The following NADK2 variants were observed in gnomAD, a reference collection of about 807,000 sequenced individuals.
The protein encoded by NADK2 is NAD kinase 2, mitochondrial, also known as NAD kinase domain-containing protein 1, mitochondrial.
NADK2 carries 35 observed loss-of-function variants against 62.1 expected under a neutral mutation model. The ratio of observed to expected loss-of-function variants is 0.56; its 90% CI spans 0.43 to 0.75. The LOEUF is 0.75. NADK2 is among the 30% of genes least tolerant of loss of function. NADK2 has a pLI of 0.00. For synonymous variants in NADK2, 205 were observed against 207.9 expected (o/e 0.99, Z 0.12); for missense variants, 439 against 561.3 (o/e 0.78, Z 2.20).
intron 11 of NADK2, among the ~76,000 whole-genome samples, chr5:36,196,509 A>G (rs755231030): frequency 3.9e-5 from 6 of 152,052 alleles, no homozygotes; most frequent in Non-Finnish European, 7.4e-5. Flanking sequence ...ACTTTTATAT[A>G]CTAAATATTC....
chr5:36,198,403 C>T (rs1251946105), intron 10 of NADK2, among the ~76,000 whole-genome samples: 1 of 151,702 alleles, frequency 6.6e-6, no homozygotes, highest in Non-Finnish European at 1.5e-5. Context: ...TGAGAACACA[C>T]CACAAAAAAG....
intron 8 of NADK2, 46 bp from the exon 9 acceptor site, chr5:36,201,207 T>A: frequency 6.6e-7 from 1 of 1,521,316 alleles, no homozygotes; most frequent in Non-Finnish European, 9.1e-7. Flanking sequence ...TCTAAAAACA[T>A]GCTAAAAATC....
At chr5:36,229,715 T>A (rs1747634354) in intron 1 of NADK2, among the ~76,000 whole-genome samples, 1 of 151,506 alleles carries the variant, frequency 6.6e-6, no homozygotes, top group Non-Finnish European at 1.5e-5. Context: ...AATACATTTA[T>A]TCAACTGCTT....
intron 1 of NADK2, among the ~76,000 whole-genome samples, chr5:36,237,375 T>C (rs1490919231): frequency 6.6e-6 from 1 of 152,188 alleles, no homozygotes; most frequent in Non-Finnish European, 1.5e-5. Context: ...AATAGTATAT[T>C]ATCATTGAAT....
At chr5:36,234,476 T>C (rs1443211133) in intron 1 of NADK2, among the ~76,000 whole-genome samples, 1 of 151,346 alleles carries the variant, frequency 6.6e-6, no homozygotes, top group Admixed American at 6.6e-5. Flanking sequence ...AATAGGCACA[T>C]ATTCTAAAGA....
intron 4 of NADK2, among the ~76,000 whole-genome samples, chr5:36,224,556 C>CAAAA (rs756009943): frequency 4.1e-5 from 3 of 72,656 alleles, no homozygotes; most frequent in Non-Finnish European, 3.2e-5. Flanking sequence ...GACTCTGTCT[C>CAAAA]AAAAAAAAAA....
chr5:36,234,434 C>G (rs1205463211), intron 1 of NADK2, among the ~76,000 whole-genome samples: 3 of 147,470 alleles, frequency 2.0e-5, no homozygotes, highest in Non-Finnish European at 3.0e-5. Context: ...GTTTTGAAAC[C>G]AATAGTAAAT....
chr5:36,227,379 A>G, intron 2 of NADK2, 98 bp downstream of exon 2: 1 of 472,670 alleles, frequency 2.1e-6, no homozygotes, highest in Non-Finnish European at 3.5e-6. Context: ...TATAATAACA[A>G]TCATCACTAA....
intron 1 of NADK2, among the ~76,000 whole-genome samples, chr5:36,235,982 C>T (rs10805610): frequency 0.93 from 140,465 of 151,836 alleles, 65,458 homozygotes; most frequent in Non-Finnish European, 0.98. Context: ...TTCCGTTGTA[C>T]ATTACAAAGT....
chr5:36,231,542 T>C (rs1747709708), intron 1 of NADK2, among the ~76,000 whole-genome samples: 1 of 152,250 alleles, frequency 6.6e-6, no homozygotes, highest in Non-Finnish European at 1.5e-5. Context: ...ATGAGACAGA[T>C]AAAAAATAAG....
Position 36,241,882 on chromosome 5 carries a change from G to C in NADK2, c.-84C>G. The C allele has an allele frequency of 9.3e-7, 1 of 1,076,622 alleles. No individual in the cohort carries two copies. Among genetic ancestry groups the C allele is most frequent in the Non-Finnish European group, 1.1e-6 (1 of 881,366 alleles). 66.7% of individuals were successfully genotyped at this position (1,076,622 alleles called of 1,614,324 possible). On this transcript the variant is annotated 5_prime_UTR_variant, in exon 1 of 12. Coordinates refer to ENST00000381937, the MANE Select transcript of NADK2 (RefSeq NM_001085411.3). The surrounding 1 kb of genome is among the most constrained non-coding windows in gnomAD (Gnocchi z 4.9). ...GCCGGGAGTGCGCGCCGTCCGCGCC[G>C]CCCGGGCCTCTAACTTCGCGCCGGA...
intron 8 of NADK2, among the ~76,000 whole-genome samples, chr5:36,201,459 C>A (rs1561056144): frequency 1.3e-5 from 2 of 151,644 alleles, no homozygotes; most frequent in Admixed American, 1.3e-4. Context: ...CTATAATACA[C>A]AAAGATAGGT....
chr5:36,213,524 C>A (rs1746926387), intron 6 of NADK2, among the ~76,000 whole-genome samples: 1 of 149,222 alleles, frequency 6.7e-6, no homozygotes, highest in South Asian at 2.1e-4. Context: ...ATTACAATAC[C>A]AAGTACCCTT....
chr5:36,201,409 A>G (rs1346614526), intron 8 of NADK2, among the ~76,000 whole-genome samples: 1 of 151,992 alleles, frequency 6.6e-6, no homozygotes, highest in Non-Finnish European at 1.5e-5. Flanking sequence ...AAATGAACAT[A>G]TTCTTCAATC....
intron 4 of NADK2, chr5:36,221,756 C>T (rs1006269665): frequency 2.0e-5 from 3 of 152,056 alleles, no homozygotes; most frequent in Non-Finnish European, 4.4e-5. Context: ...AGCCAGTTTC[C>T]AAAAGAAAAT....
At chr5:36,223,459 G>A (rs1012803763) in intron 4 of NADK2, among the ~76,000 whole-genome samples, 8 of 151,902 alleles carry the variant, frequency 5.3e-5, no homozygotes, top group Non-Finnish European at 1.2e-4. Flanking sequence ...ATGGCCCAGA[G>A]CACAATATGT....
rs574881555 is a variant in NADK2 at position 36,209,640 on chromosome 5, T to A, written c.860+2204A>T. Among the ~76,000 whole-genome samples, 5 of 152,276 alleles carry A rather than the reference T, an allele frequency of 3.3e-5. No individual in the cohort carries two copies. The South Asian group carries it at 8.3e-4, about 25-fold the overall frequency. The stretch of plus-strand genomic sequence containing the variant: ...TCTCTCAACTACCACATAGTATCTA[T>A]AATTCATGTCCATATTGCTTCAAAC... On this transcript the variant is annotated intron_variant, in intron 7 of 11. Transcript: ENST00000381937.
At chr5:36,197,282 A>G (rs1746264555) in intron 11 of NADK2, among the ~76,000 whole-genome samples, 1 of 152,060 alleles carries the variant, frequency 6.6e-6, no homozygotes. Context: ...TTAAAAACCA[A>G]CAAATCACTG....
intron 10 of NADK2, among the ~76,000 whole-genome samples, 186 bp from the exon 11 acceptor site, chr5:36,197,850 T>G (rs1190338023): frequency 1.3e-5 from 2 of 151,834 alleles, no homozygotes; most frequent in East Asian, 3.9e-4. Context: ...AAATAAGAAT[T>G]AGGTACCATG....
Sources: allele counts gnomAD v4.1 joint callset (sites outside exome capture counted in the v4.1 genomes callset), GRCh38; gene constraint gnomAD v4.1.1; non-coding constraint Gnocchi (gnomAD v3.1); transcripts MANE v1.5; gene names NCBI Gene and HGNC (gene_info 2026-07-23, HGNC 2026-07-21).